ZFHX3: variants seen among roughly 807,000 people sequenced by gnomAD.
ZFHX3 encodes zinc finger homeobox 3.
Under a neutral mutation model 279.1 loss-of-function variants are expected in ZFHX3, and 42 were observed. The observed-to-expected ratio is 0.15, with a 90% CI of 0.12 to 0.19. ZFHX3 has a LOEUF of 0.19. Ranked by LOEUF, ZFHX3 falls within the 10% of genes least tolerant of loss-of-function variation. The pLI, the probability that ZFHX3 is intolerant of heterozygous loss-of-function variation, is 1.00. For missense variants in ZFHX3, 4,981 were observed against 4,754.0 expected (o/e 1.05, Z -1.40); for synonymous variants, 2,293 against 1,957.8 (o/e 1.17, Z -4.52).
At chr16:73,350,559 G>C (rs781024214) in intron 3 of ZFHX3, among the ~76,000 whole-genome samples, 1 of 152,184 alleles carries the variant, frequency 6.6e-6, no homozygotes, top group African/African-American at 2.4e-5. Flanking sequence ...TTCAGGCATG[G>C]TGAAGGCAGC....
chr16:72,787,667 C>G lies in ZFHX3; in HGVS notation c.10609G>C (p.Ala3537Pro). The G allele has an allele frequency of 6.4e-7, 1 of 1,562,780 alleles. No individual in the cohort carries two copies. The highest frequency in any genetic ancestry group is 1.2e-5 in the South Asian group (1 of 84,034). Residue 3537 changes from alanine (A) to proline (P), a missense_variant, in exon 10 of 10, where the codon GCG (alanine) becomes CCG (proline). Ala to Pro is a conservative substitution (Grantham distance 27). Transcript: ENST00000268489. The part of the protein sequence containing the change: ...GSYHCLACES[A>P]LCGEEALSQH... ...CTCAGAGCTTCCTCCCCACAGAGCG[C>G]GCTCTCGCACGCCAGGCAGTGGTAC...
At chr16:73,590,788 T>G (rs1309153025) in intron 2 of ZFHX3, among the ~76,000 whole-genome samples, 1 of 152,174 alleles carries the variant, frequency 6.6e-6, no homozygotes, top group African/African-American at 2.4e-5. Flanking sequence ...TCACAATCAC[T>G]AGTGAGCTAA....
At chr16:73,511,812 G>T (rs1478738568) in intron 2 of ZFHX3, among the ~76,000 whole-genome samples, 1 of 152,130 alleles carries the variant, frequency 6.6e-6, no homozygotes, top group East Asian at 1.9e-4. Context: ...AAAAGAATGA[G>T]ACTTTGAAAC....
At chr16:73,608,167 G>C (rs1202750069) in intron 2 of ZFHX3, among the ~76,000 whole-genome samples, 1 of 152,182 alleles carries the variant, frequency 6.6e-6, no homozygotes, top group African/African-American at 2.4e-5. Context: ...CTGAGGATTA[G>C]AGATGGGCAG....
intron 5 of ZFHX3, among the ~76,000 whole-genome samples, chr16:73,213,972 T>G (rs2012108756): frequency 6.6e-6 from 1 of 152,154 alleles, no homozygotes; most frequent in Non-Finnish European, 1.5e-5. Context: ...TTACCAAGAT[T>G]TCACAACTGT....
intron 4 of ZFHX3, among the ~76,000 whole-genome samples, chr16:73,283,624 A>G (rs1050026643): frequency 6.6e-6 from 1 of 152,228 alleles, no homozygotes; most frequent in Non-Finnish European, 1.5e-5. Context: ...ACACCTGCTG[A>G]CTTAGTACTG....
chr16:73,023,564 C>T (rs1267273279), intron 1 of ZFHX3, among the ~76,000 whole-genome samples: 4 of 152,230 alleles, frequency 2.6e-5, no homozygotes, highest in Admixed American at 6.5e-5. Flanking sequence ...TCCCACGATG[C>T]GCTACAGGCA....
At chr16:73,583,834 A>T (rs1047558614) in intron 2 of ZFHX3, among the ~76,000 whole-genome samples, 3 of 152,198 alleles carry the variant, frequency 2.0e-5, no homozygotes, top group African/African-American at 7.2e-5. Context: ...ACTTCTAGTA[A>T]AATTGGACAG....
chr16:73,473,815 G>T (rs933063923), intron 2 of ZFHX3, among the ~76,000 whole-genome samples: 1 of 152,120 alleles, frequency 6.6e-6, no homozygotes. Flanking sequence ...AAACTGTGTG[G>T]GTCAGGGAAG....
chr16:73,818,090 G>C (rs1053315277), intron 1 of ZFHX3, among the ~76,000 whole-genome samples: 1 of 152,154 alleles, frequency 6.6e-6, no homozygotes, highest in Non-Finnish European at 1.5e-5. Flanking sequence ...TGCTTTCTGA[G>C]ACCCAAACGG....
At chr16:73,620,506 C>A (rs1167433220) in intron 2 of ZFHX3, among the ~76,000 whole-genome samples, 1 of 152,186 alleles carries the variant, frequency 6.6e-6, no homozygotes, top group Non-Finnish European at 1.5e-5. Context: ...AATGTCTCAA[C>A]ACTTAGGGCA....
At chr16:73,126,311 A>G (rs985745651) in intron 7 of ZFHX3, among the ~76,000 whole-genome samples, 1 of 152,178 alleles carries the variant, frequency 6.6e-6, no homozygotes, top group African/African-American at 2.4e-5. Flanking sequence ...GCGAGAGGAT[A>G]CTGCAGAGGT....
chr16:73,435,771 G>A (rs145079897), intron 3 of ZFHX3, among the ~76,000 whole-genome samples: 1,545 of 152,318 alleles, frequency 0.01, 6 homozygotes, highest in Non-Finnish European at 0.015. Context: ...CTGAGTTGGG[G>A]CTCACAGGTA....
intron 3 of ZFHX3, 56 bp from the exon 4 acceptor site, chr16:72,890,018 TG>T (rs1449250988): frequency 6.7e-7 from 1 of 1,503,238 alleles, no homozygotes; most frequent in Non-Finnish European, 9.0e-7. Flanking sequence ...AAGCGGCCAC[TG>T]GCATCAGCCC....
chr16:73,310,930 T>C (rs3925659), intron 4 of ZFHX3, among the ~76,000 whole-genome samples: 135,447 of 152,222 alleles, frequency 0.89, 60,791 homozygotes, highest in African/African-American at 0.98. Context: ...ATCACACACA[T>C]GTCATAAACA....
intron 4 of ZFHX3, among the ~76,000 whole-genome samples, chr16:73,303,963 G>GTAAAA (rs781722281): frequency 1.3e-5 from 1 of 76,122 alleles, no homozygotes; most frequent in African/African-American, 4.6e-5. Context: ...ACCCTAGGTG[G>GTAAAA]AAAAAAAAAA....
chr16:73,847,521 TG>T (rs1477315964), intron 1 of ZFHX3, among the ~76,000 whole-genome samples: 1 of 152,110 alleles, frequency 6.6e-6, no homozygotes, highest in African/African-American at 2.4e-5. Flanking sequence ...ATAGTATAAT[TG>T]GCGTCAATTA....
chr16:72,977,933 C>T (rs969902841), intron 1 of ZFHX3, among the ~76,000 whole-genome samples: 4 of 152,034 alleles, frequency 2.6e-5, no homozygotes, highest in African/African-American at 2.4e-5. Flanking sequence ...GGCACGATCT[C>T]GGCTCACTGC....
At chr16:73,435,616 C>T (rs1431310203) in intron 3 of ZFHX3, among the ~76,000 whole-genome samples, 3 of 152,298 alleles carry the variant, frequency 2.0e-5, no homozygotes, top group Admixed American at 6.5e-5. Flanking sequence ...AATTACCTCC[C>T]AGGCATTGTC....
Sources: allele counts gnomAD v4.1 joint callset (sites outside exome capture counted in the v4.1 genomes callset), GRCh38; gene constraint gnomAD v4.1.1; transcripts MANE v1.5; gene names NCBI Gene and HGNC (gene_info 2026-07-23, HGNC 2026-07-21).